SYNDIG1: variants seen among roughly 807,000 people sequenced by gnomAD.
SYNDIG1 encodes synapse differentiation-inducing gene protein 1.
In SYNDIG1, 9 loss-of-function variants were observed where a neutral mutation model predicts 19.4. That is an observed-to-expected ratio of 0.46 (90% CI 0.28 to 0.81). The LOEUF is 0.81. SYNDIG1 is among the 30% of genes least tolerant of loss of function. SYNDIG1 has a pLI of 0.12. For synonymous variants in SYNDIG1, 141 were observed against 145.9 expected (o/e 0.97, Z 0.24); for missense variants, 311 against 343.3 (o/e 0.91, Z 0.74).
intron 1 of SYNDIG1, among the ~76,000 whole-genome samples, chr20:24,489,439 GCA>G (rs933929519): frequency 6.7e-6 from 1 of 149,996 alleles, no homozygotes; most frequent in African/African-American, 2.5e-5. Flanking sequence ...ATAGATACAT[GCA>G]CACACAGACA....
At chr20:24,604,737 T>C (rs747228762) in intron 3 of SYNDIG1, among the ~76,000 whole-genome samples, 6 of 152,154 alleles carry the variant, frequency 3.9e-5, no homozygotes, top group Non-Finnish European at 8.8e-5. Flanking sequence ...GCCGTTCTTT[T>C]ATTCCTTTAC....
intron 3 of SYNDIG1, among the ~76,000 whole-genome samples, chr20:24,607,935 A>G (rs1303945772): frequency 4.6e-5 from 7 of 152,230 alleles, no homozygotes; most frequent in Non-Finnish European, 1.0e-4. Flanking sequence ...TTTAAAATAC[A>G]GGTTTATACA....
At chr20:24,577,497 G>A (rs903410444) in intron 2 of SYNDIG1, among the ~76,000 whole-genome samples, 13 of 152,348 alleles carry the variant, frequency 8.5e-5, no homozygotes, top group African/African-American at 2.9e-4. Flanking sequence ...CGTGGCTCAT[G>A]AAGACTCATT....
intron 1 of SYNDIG1, among the ~76,000 whole-genome samples, chr20:24,517,351 C>G (rs1242316419): frequency 6.7e-6 from 1 of 150,344 alleles, no homozygotes; most frequent in Non-Finnish European, 1.5e-5. Flanking sequence ...TGTGGTGGCT[C>G]ACGCCTGTAA....
chr20:24,565,870 C>G (rs927401256), intron 2 of SYNDIG1, among the ~76,000 whole-genome samples: 1 of 152,160 alleles, frequency 6.6e-6, no homozygotes, highest in Non-Finnish European at 1.5e-5. Flanking sequence ...AATGTTCTTT[C>G]TCTTGCCCTT....
chr20:24,517,411 C>G (rs748973507), intron 1 of SYNDIG1, among the ~76,000 whole-genome samples: 50 of 150,368 alleles, frequency 3.3e-4, no homozygotes, highest in Non-Finnish European at 5.3e-4. Flanking sequence ...GTCAGGAGAT[C>G]GAGACCATCC....
Position 24,488,579 on chromosome 20 carries a change from C to CCT in SYNDIG1, c.-79+18827_-79+18828dup, listed in dbSNP as rs561862766. Reference sequence around the variant, plus strand: ...CTGATGAAGGACAGAATTCTTTTGTCCTGCTGGAGCCAGAGGGTGTGGACA... The same window carrying CCT: ...CTGATGAAGGACAGAATTCTTTTGTCCTCTGCTGGAGCCAGAGGGTGTGGACA... On this transcript the variant is annotated intron_variant, in intron 1 of 3. Coordinates refer to ENST00000376862, the MANE Select transcript of SYNDIG1 (RefSeq NM_024893.3). Among the ~76,000 whole-genome samples the CCT allele has an allele frequency of 1.2e-4, 19 of 152,338 alleles. No individual in the cohort carries two copies. The East Asian group carries it at 3.1e-3, about 25-fold the overall frequency.
chr20:24,533,472 G>A (rs984702644), intron 1 of SYNDIG1, among the ~76,000 whole-genome samples: 3 of 152,158 alleles, frequency 2.0e-5, no homozygotes, highest in Admixed American at 6.5e-5. Flanking sequence ...ATAACACCTC[G>A]CAGGCTTGTT....
At chr20:24,555,822 C>T (rs2057802650) in intron 2 of SYNDIG1, among the ~76,000 whole-genome samples, 1 of 152,104 alleles carries the variant, frequency 6.6e-6, no homozygotes, top group South Asian at 2.1e-4. Context: ...CTATTAGGTC[C>T]ACTTGGTGCA....
At chr20:24,501,852 C>G (rs1376514549) in intron 1 of SYNDIG1, among the ~76,000 whole-genome samples, 3 of 152,186 alleles carry the variant, frequency 2.0e-5, no homozygotes, top group African/African-American at 7.2e-5. Context: ...CCCAGGTGTA[C>G]CCACTGGGCA....
intron 1 of SYNDIG1, among the ~76,000 whole-genome samples, chr20:24,470,601 G>A (rs1339608614): frequency 6.6e-6 from 1 of 152,206 alleles, no homozygotes; most frequent in Non-Finnish European, 1.5e-5. Context: ...GGAAGGAATG[G>A]CTCACTGGAT....
At chr20:24,487,649 G>A (rs931069032) in intron 1 of SYNDIG1, among the ~76,000 whole-genome samples, 6 of 151,850 alleles carry the variant, frequency 4.0e-5, no homozygotes, top group African/African-American at 1.5e-4. Context: ...GTATATGTGT[G>A]TGTATAAGTA....
rs1034792276 is a variant in SYNDIG1 at position 24,588,336 on chromosome 20, T to A, written c.618+3343T>A. 2.0e-5 allele frequency among the ~76,000 whole-genome samples: 3 copies of A among 152,220 alleles called. No homozygotes were observed. In the East Asian group the frequency reaches 5.8e-4, roughly 29 times the overall value. The stretch of plus-strand genomic sequence containing the variant: ...CTTTCCCAGCAGATTTTGCTAATTC[T>A]AAAAATATGTTCATGAAGTAGCATA... On this transcript the variant is annotated intron_variant, in intron 3 of 3. Transcript: ENST00000376862.
chr20:24,560,710 T>TTTTTTTTTTTTTTTTTG (rs1490740230), intron 2 of SYNDIG1, among the ~76,000 whole-genome samples: 1 of 150,712 alleles, frequency 6.6e-6, no homozygotes. Context: ...TTTTTTTTTT[T>TTTTTTTTTTTTTTTTTG]TTTTTAAACT....
intron 1 of SYNDIG1, among the ~76,000 whole-genome samples, chr20:24,480,766 A>G (rs180859051): frequency 6.6e-6 from 1 of 152,392 alleles, no homozygotes; most frequent in Admixed American, 6.5e-5. Context: ...AAATGTGCTA[A>G]ACACATACAG....
chr20:24,488,983 T>C (rs1039572667), intron 1 of SYNDIG1, among the ~76,000 whole-genome samples: 2 of 152,126 alleles, frequency 1.3e-5, no homozygotes, highest in African/African-American at 4.8e-5. Context: ...AGTCATCATT[T>C]CCCCACTGTG....
At position 24,584,868 on chromosome 20, in the gene SYNDIG1, A is replaced by C; in HGVS notation, c.493A>C (p.Ser165Arg). The C allele has an allele frequency of 6.2e-7, 1 of 1,614,076 alleles. No individual in the cohort carries two copies. The highest frequency in any genetic ancestry group is 8.5e-7 in the Non-Finnish European group (1 of 1,180,028). The stretch of plus-strand genomic sequence containing the variant: ...TTCTCTCTTGCAGAGCGACTACTCA[A>C]GCGACACAGAGAGTGAGGACAATTT... ...EFQELESDYSSDTESEDNFLM... is the reference protein window; with the variant it reads ...EFQELESDYSRDTESEDNFLM... Residue 165 changes from serine (S) to arginine (R), a missense_variant, in exon 3 of 4, where the codon AGC (serine) becomes CGC (arginine). Ser to Arg is a moderately radical substitution (Grantham distance 110). Coordinates refer to ENST00000376862, the MANE Select transcript of SYNDIG1 (RefSeq NM_024893.3).
At chr20:24,631,478 G>A (rs1207808510) in intron 3 of SYNDIG1, among the ~76,000 whole-genome samples, 3 of 152,218 alleles carry the variant, frequency 2.0e-5, no homozygotes, top group African/African-American at 7.2e-5. Flanking sequence ...ATCAGGAACT[G>A]TCAGCCTCAA....
intron 3 of SYNDIG1, among the ~76,000 whole-genome samples, chr20:24,599,377 C>T (rs2058644258): frequency 6.6e-6 from 1 of 152,174 alleles, no homozygotes; most frequent in South Asian, 2.1e-4. Context: ...CTCTTATATA[C>T]TGTTGGTGAG....
Sources: gnomAD v4.1 joint callset for allele counts (sites outside exome capture counted in the v4.1 genomes callset) on GRCh38, gnomAD v4.1.1 for gene constraint, MANE v1.5 for transcripts, NCBI Gene and HGNC (gene_info 2026-07-23, HGNC 2026-07-21) for gene names.